The following SLC16A7 variants were observed in gnomAD, a reference collection of about 807,000 sequenced individuals.
SLC16A7 encodes monocarboxylate transporter 2.
SLC16A7 carries 33 observed loss-of-function variants against 34.9 expected under a neutral mutation model. The observed-to-expected ratio is 0.94, with a 90% CI of 0.72 to 1.26. The LOEUF is 1.26. Among genes scored for constraint, SLC16A7 ranks in the 50% most tolerant of loss-of-function variants. The pLI is 0.00. For synonymous variants in SLC16A7, 201 were observed against 206.6 expected, an observed-to-expected ratio of 0.97 and a Z score of 0.23; for missense variants, 573 against 578.1, an observed-to-expected ratio of 0.99 and a Z score of 0.09.
intron 2 of SLC16A7, among the ~76,000 whole-genome samples, chr12:59,672,893 G>A (rs1009664263): frequency 5.3e-5 from 8 of 152,086 alleles, no homozygotes; most frequent in African/African-American, 1.9e-4. Context: ...TACCTGGATG[G>A]AAGGCTGTGC....
intron 3 of SLC16A7, among the ~76,000 whole-genome samples, chr12:59,757,453 T>C (rs1880512735): frequency 1.3e-5 from 2 of 152,112 alleles, no homozygotes; most frequent in South Asian, 2.1e-4. Context: ...TTAGATAATC[T>C]GACAGAGGGT....
At chr12:59,776,067 A>G (rs1313852783) in intron 5 of SLC16A7, among the ~76,000 whole-genome samples, 1 of 152,176 alleles carries the variant, frequency 6.6e-6, no homozygotes, top group Admixed American at 6.6e-5. Flanking sequence ...TAAATTGGAA[A>G]GATTACCTTC....
intron 3 of SLC16A7, among the ~76,000 whole-genome samples, chr12:59,755,261 T>G (rs1880164266): frequency 6.6e-6 from 1 of 152,032 alleles, no homozygotes; most frequent in African/African-American, 2.4e-5. Context: ...CCAGGGCAAT[T>G]AGGCAGGGGA....
chr12:59,749,783 T>G (rs968505423), intron 3 of SLC16A7, among the ~76,000 whole-genome samples: 7 of 152,178 alleles, frequency 4.6e-5, no homozygotes, highest in Non-Finnish European at 8.8e-5. Context: ...TGAAAGAGAT[T>G]GTGGATGTGG....
chr12:59,708,852 G>T (rs1038596970), intron 3 of SLC16A7, among the ~76,000 whole-genome samples: 2 of 151,560 alleles, frequency 1.3e-5, no homozygotes, highest in Admixed American at 1.3e-4. Flanking sequence ...GGATGGAAAA[G>T]AATGCAAATT....
In SLC16A7 at chr12:59,738,061, A is replaced by G. The variant is rs547183729; in HGVS notation, c.217+33043A>G. On this transcript the variant is annotated intron_variant, in intron 3 of 5. Coordinates refer to ENST00000547379, the MANE Select transcript of SLC16A7 (RefSeq NM_001270623.2). ...TTATATCCTTAAAGATCTCTAGGCTATGCATTCTCATGGTGCTTTATCACA... is the reference window on the plus strand; with the variant it reads ...TTATATCCTTAAAGATCTCTAGGCTGTGCATTCTCATGGTGCTTTATCACA... 2.6e-5 allele frequency among the ~76,000 whole-genome samples: 4 copies of G among 152,310 alleles called. No individual in the cohort carries two copies. The East Asian group carries it at 7.7e-4, about 29-fold the overall frequency.
intron 2 of SLC16A7, among the ~76,000 whole-genome samples, chr12:59,682,923 A>C (rs1870858483): frequency 6.6e-6 from 1 of 152,046 alleles, no homozygotes; most frequent in South Asian, 2.1e-4. Context: ...AAAATTAGCC[A>C]GGCGTGGTGG....
At position 59,759,009 on chromosome 12, in the gene SLC16A7, G is replaced by T. The variant is rs574391881; in HGVS notation, c.218-12210G>T. On this transcript the variant is annotated intron_variant, in intron 3 of 5. Coordinates refer to ENST00000547379, the MANE Select transcript of SLC16A7 (RefSeq NM_001270623.2). ...AGTCTTTTTTATGAGTCTTCTGTATGGACTTTTTTTTCTATTTAAGGAAAG... is the reference window on the plus strand; with the variant it reads ...AGTCTTTTTTATGAGTCTTCTGTATTGACTTTTTTTTCTATTTAAGGAAAG... Among the ~76,000 whole-genome samples the T allele has an allele frequency of 9.5e-5, 14 of 148,022 alleles. No individual in the cohort carries two copies. The East Asian group carries it at 2.3e-3, about 25-fold the overall frequency.
chr12:59,653,886 A>G (rs1271210576), intron 1 of SLC16A7, among the ~76,000 whole-genome samples: 4 of 151,626 alleles, frequency 2.6e-5, no homozygotes, highest in Admixed American at 6.6e-5. Context: ...TTTATATTTT[A>G]AAAACCTTTG....
chr12:59,771,469 T>TA, intron 4 of SLC16A7, 107 bp downstream of exon 4: 1 of 783,272 alleles, frequency 1.3e-6, no homozygotes, highest in Non-Finnish European at 1.9e-6. Context: ...TTTATTTTTT[T>TA]ATAAACAATG....
At chr12:59,740,748 T>A (rs1878224002) in intron 3 of SLC16A7, among the ~76,000 whole-genome samples, 1 of 152,056 alleles carries the variant, frequency 6.6e-6, no homozygotes, top group African/African-American at 2.4e-5. Context: ...GGGTATTCAG[T>A]TAGGAAAAGA....
intron 2 of SLC16A7, among the ~76,000 whole-genome samples, chr12:59,665,183 G>A (rs1036962041): frequency 6.6e-6 from 1 of 152,014 alleles, no homozygotes; most frequent in Non-Finnish European, 1.5e-5. Context: ...AAGTTTTTAT[G>A]AAACTATCAA....
intron 2 of SLC16A7, among the ~76,000 whole-genome samples, chr12:59,683,926 T>C (rs1262776489): frequency 6.6e-6 from 1 of 152,164 alleles, no homozygotes; most frequent in Non-Finnish European, 1.5e-5. Context: ...TTACATACCA[T>C]TAAAAATTGT....
chr12:59,667,888 C>T (rs1869341000), intron 2 of SLC16A7, among the ~76,000 whole-genome samples: 1 of 152,178 alleles, frequency 6.6e-6, no homozygotes, highest in Non-Finnish European at 1.5e-5. Flanking sequence ...GACTTGGTAC[C>T]CTGCATCCCA....
chr12:59,733,804 C>G (rs1461510542), intron 3 of SLC16A7: 1 of 456,000 alleles, frequency 2.2e-6, no homozygotes, highest in South Asian at 1.5e-5. Flanking sequence ...CTTCACTGAG[C>G]AACAAAACAA....
intron 1 of SLC16A7, among the ~76,000 whole-genome samples, chr12:59,650,264 G>T (rs1251484812): frequency 6.6e-6 from 1 of 152,064 alleles, no homozygotes; most frequent in South Asian, 2.1e-4. Context: ...AAATAAAGGA[G>T]ATATGGTATT....
At chr12:59,745,797 A>T (rs1878829702) in intron 3 of SLC16A7, among the ~76,000 whole-genome samples, 1 of 152,234 alleles carries the variant, frequency 6.6e-6, no homozygotes, top group South Asian at 2.1e-4. Flanking sequence ...CACTGAAAGC[A>T]CTGGAAGACT....
At chr12:59,719,929 C>A (rs542071329) in intron 3 of SLC16A7, 419 of 560,728 alleles carry the variant, frequency 7.5e-4, no homozygotes, top group African/African-American at 7.1e-3. Flanking sequence ...AGTGGTGGAA[C>A]CTTAGCTATT....
At chr12:59,611,327 G>A (rs553820878) in intron 1 of SLC16A7, among the ~76,000 whole-genome samples, 106 of 152,276 alleles carry the variant, frequency 7.0e-4, no homozygotes, top group African/African-American at 2.3e-3. Flanking sequence ...AGTGCTCAGC[G>A]AAGGGGGAAG....
Sources: allele counts gnomAD v4.1 joint callset (sites outside exome capture counted in the v4.1 genomes callset), GRCh38; gene constraint gnomAD v4.1.1; transcripts MANE v1.5; gene names NCBI Gene and HGNC (gene_info 2026-07-23, HGNC 2026-07-21).